Variants in GDF1 observed in about 807,000 individuals in gnomAD.
GDF1 encodes embryonic growth/differentiation factor 1.
Under a neutral mutation model 7.4 loss-of-function variants are expected in GDF1, and 8 were observed. That is an observed-to-expected ratio of 1.09 (90% confidence interval 0.64 to 1.96). The LOEUF (loss-of-function observed/expected upper bound fraction) is 1.96, where lower values mean the gene tolerates loss of function less well. Among genes scored for constraint, GDF1 ranks in the 30% most tolerant of loss-of-function variants. The pLI, the probability that GDF1 is intolerant of heterozygous loss-of-function variation, is 0.00. For synonymous variants in GDF1, 311 were observed against 276.7 expected (o/e 1.12, Z -1.23); for missense variants, 574 against 551.5 (o/e 1.04, Z -0.41).
Position 18,869,173 on chromosome 19 carries a change from C to A in GDF1, c.543G>T (p.Val181=). 1 of 1,153,652 alleles carries A rather than the reference C, an allele frequency of 8.7e-7. No homozygotes were observed. Among genetic ancestry groups the A allele is most frequent in the Non-Finnish European group, 1.1e-6 (1 of 938,786 alleles). 71.5% of individuals were successfully genotyped at this position (1,153,652 alleles called of 1,614,324 possible). A position where few individuals can be genotyped will look rare whatever the true frequency, so the allele number is the denominator to read the frequency against. The change falls in exon 8 of 8, where the codon GTG becomes GTT. Residue 181 remains valine (V), a synonymous_variant. Transcript: ENST00000247005. ...GQGAGADPGP[V]LLRQLVPALG... is the part of the protein sequence containing the mutation. ...GGGCGGGCACCAACTGGCGGAGCAG[C>A]ACCGGCCCGGGGTCCGCGCCCGCGC...
chr19:18,879,915 C>A (rs1202962074), intron 4 of GDF1, among the ~76,000 whole-genome samples: 2 of 151,638 alleles, frequency 1.3e-5, no homozygotes, highest in African/African-American at 4.9e-5. Flanking sequence ...AGCCCTACCC[C>A]AACCCTGCTT....
intron 4 of GDF1, among the ~76,000 whole-genome samples, chr19:18,879,692 CA>C (rs2056151320): frequency 6.8e-6 from 1 of 146,878 alleles, no homozygotes; most frequent in South Asian, 2.2e-4. Context: ...CCTACCTCAC[CA>C]AACCCCACCT....
Position 18,896,104 on chromosome 19 carries a change from GCGCC to G in GDF1, c.-1358_-1355del. On this transcript the variant is annotated 5_prime_UTR_variant, in exon 1 of 8. Transcript: ENST00000247005. The surrounding 1 kb of genome is among the most constrained non-coding windows in gnomAD (Gnocchi z 5.9). ...CGCTCGCCCGCCGTGCCCGTCGCCTGCGCCCGCCCGCGGTAGCCGACGGAGCCGC... is the reference window on the plus strand; with the variant it reads ...CGCTCGCCCGCCGTGCCCGTCGCCTGCGCCCGCGGTAGCCGACGGAGCCGC... 1 of 864,456 alleles carries G rather than the reference GCGCC, an allele frequency of 1.2e-6. No individual in the cohort carries two copies. Among genetic ancestry groups the G allele is most frequent in the Non-Finnish European group, 1.4e-6 (1 of 722,504 alleles). 53.5% of individuals were successfully genotyped at this position (864,456 alleles called of 1,614,324 possible).
In GDF1 at chr19:18,879,393, G is replaced by GGTGGGAGGAGTCAGGAGGCC; in HGVS notation, c.-570-25_-570-6dup. 1 of 1,557,868 alleles carries GGTGGGAGGAGTCAGGAGGCC rather than the reference G, an allele frequency of 6.4e-7. No individual in the cohort carries two copies. Among genetic ancestry groups the GGTGGGAGGAGTCAGGAGGCC allele is most frequent in the Non-Finnish European group, 8.7e-7 (1 of 1,151,046 alleles). On this transcript the variant is annotated splice_polypyrimidine_tract_variant and splice_region_variant and intron_variant, in intron 4 of 7. Transcript: ENST00000247005. ...CAGTAGAGGCGGAACCAGAACCTGC[G>GGTGGGAGGAGTCAGGAGGCC]GTGGGAGGAGTCAGGAGGCCGTGGG...
intron 3 of GDF1, chr19:18,881,674 C>T (rs901388842): frequency 1.3e-5 from 2 of 152,286 alleles, no homozygotes; most frequent in Admixed American, 1.3e-4. Context: ...CTGACAGCTC[C>T]TGGGCTCCTG....
At chr19:18,892,531 G>A (rs1179897337) in intron 2 of GDF1, among the ~76,000 whole-genome samples, 1 of 151,950 alleles carries the variant, frequency 6.6e-6, no homozygotes, top group East Asian at 2.0e-4. Flanking sequence ...GGAGAATGGC[G>A]TGAACCCAGG....
In GDF1 at chr19:18,868,927, G is replaced by C; in HGVS notation, c.789C>G (p.Pro263=). Residue 263 remains proline, a synonymous_variant, in exon 8 of 8, where the codon CCC becomes CCG. Transcript: ENST00000247005. Reference sequence around the variant, plus strand: ...GCCGCCGCGCGCGACAAGCGCCCCCGGGGCCGCCGCCCAACACGGGTTCGG... The same window carrying C: ...GCCGCCGCGCGCGACAAGCGCCCCCCGGGCCGCCGCCCAACACGGGTTCGG... The part of the protein sequence containing the change: ...RDAEPVLGGG[P]GGACRARRLY... 2.3e-6 allele frequency: 3 copies of C among 1,331,182 alleles called. No homozygotes were observed. Among genetic ancestry groups the C allele is most frequent in the Middle Eastern group, 2.9e-4 (1 of 3,462 alleles). The allele number at this position is 1,331,182 out of a possible 1,614,324, so 82.5% of individuals were successfully genotyped here.
chr19:18,880,407 A>G lies in GDF1; in HGVS notation c.-704T>C, dbSNP rs2056175022. ...TGCACGTCACTGATATCGTGCAGGA[A>G]GAGCACAAGGATGCCCACATTGTGG... On this transcript the variant is annotated 5_prime_UTR_variant, in exon 4 of 8. Coordinates refer to ENST00000247005, the MANE Select transcript of GDF1 (RefSeq NM_001492.6). The G allele has an allele frequency of 6.3e-7, 1 of 1,592,790 alleles. No individual in the cohort carries two copies. The highest frequency in any genetic ancestry group is 1.3e-5 in the African/African-American group (1 of 74,544).
At chr19:18,879,469 C>T in intron 4 of GDF1, 81 bp from the exon 5 acceptor site, 1 of 1,484,048 alleles carries the variant, frequency 6.7e-7, no homozygotes, top group Non-Finnish European at 9.0e-7. Context: ...GTCCTAGACC[C>T]ACCCTTGCCC....
chr19:18,891,497 C>CA (rs2056490194), intron 2 of GDF1, among the ~76,000 whole-genome samples: 1 of 152,182 alleles, frequency 6.6e-6, no homozygotes, highest in African/African-American at 2.4e-5. Context: ...GCGCTGCAGT[C>CA]ACCTCCCTGC....
Position 18,869,291 on chromosome 19 carries a change from G to T in GDF1, c.425C>A (p.Pro142Gln). The change falls in exon 8 of 8, where the codon CCG (proline) becomes CAG (glutamine). Residue 142 changes from proline to glutamine, a missense_variant. Pro to Gln is a moderately conservative substitution (Grantham distance 76, BLOSUM62 -1). Transcript: ENST00000247005. ...DLSAVEPAER[P>Q]SRARLELRFA... ...ACGCAGCTCCAGGCGGGCCCGGCTC[G>T]GGCGCTCAGCGGGTTCCACAGCCGA... 1 of 1,507,800 alleles carries T rather than the reference G, an allele frequency of 6.6e-7. No homozygotes were observed. Among genetic ancestry groups the T allele is most frequent in the East Asian group, 2.7e-5 (1 of 36,684 alleles). The allele number at this position is 1,507,800 out of a possible 1,614,324, so 93.4% of individuals were successfully genotyped here. A position where few individuals can be genotyped will look rare whatever the true frequency, so the allele number is the denominator to read the frequency against.
Position 18,895,703 on chromosome 19 carries a change from G to A in GDF1, c.-1074+121C>T. On this transcript the variant is annotated intron_variant, in intron 1 of 7. Transcript: ENST00000247005. The surrounding 1 kb of genome is among the most constrained non-coding windows in gnomAD (Gnocchi z 6.4). ...GCCCGAGGCCCCCACCCACGTTCCG[G>A]CGACCCCTTCATCCGCAGCAGCCAG... 2.3e-6 allele frequency: 1 copy of A among 443,474 alleles called. No homozygotes were observed. The highest frequency in any genetic ancestry group is 7.0e-5 in the South Asian group (1 of 14,244). The allele number at this position is 443,474 out of a possible 1,614,324, so 27.5% of individuals were successfully genotyped here. A position where few individuals can be genotyped will look rare whatever the true frequency, so the allele number is the denominator to read the frequency against.
intron 6 of GDF1, among the ~76,000 whole-genome samples, chr19:18,871,754 C>A (rs1300514606): frequency 6.6e-6 from 1 of 152,226 alleles, no homozygotes; most frequent in African/African-American, 2.4e-5. Context: ...TGGTCTTTAT[C>A]TGAGAGGAGA....
At chr19:18,893,294 G>T in intron 2 of GDF1, 122 bp downstream of exon 2, 4 of 1,092,448 alleles carry the variant, frequency 3.7e-6, no homozygotes, top group Non-Finnish European at 3.9e-6. Flanking sequence ...AGCTCCCCTT[G>T]GCCTCCAACT....
chr19:18,894,329 G>A (rs1038683409), intron 1 of GDF1, among the ~76,000 whole-genome samples: 3 of 152,090 alleles, frequency 2.0e-5, no homozygotes, highest in African/African-American at 7.2e-5. Flanking sequence ...CCTTCCCAGA[G>A]GCTGAGGGGG....
intron 2 of GDF1, among the ~76,000 whole-genome samples, chr19:18,891,502 C>T (rs1262537732): frequency 6.6e-6 from 1 of 152,162 alleles, no homozygotes; most frequent in Non-Finnish European, 1.5e-5. Context: ...GCAGTCACCT[C>T]CCTGCCCAGC....
At position 18,895,966 on chromosome 19, in the gene GDF1, C is replaced by A; in HGVS notation, c.-1216G>T. On this transcript the variant is annotated 5_prime_UTR_variant, in exon 1 of 8. Coordinates refer to ENST00000247005, the MANE Select transcript of GDF1 (RefSeq NM_001492.6). This position sits in a 1 kb window ranked among gnomAD's most constrained non-coding sequence, Gnocchi z 6.4. ...CAGCCCCCAGCCGCAGTCCGTGCAG[C>A]CCCGCGCCGCCGCCAGCGCGCTGCC... 2.8e-6 allele frequency: 3 copies of A among 1,068,278 alleles called. No homozygotes were observed. The highest frequency in any genetic ancestry group is 3.4e-6 in the Non-Finnish European group (3 of 883,222). 66.2% of individuals were successfully genotyped at this position (1,068,278 alleles called of 1,614,324 possible).
intron 2 of GDF1, among the ~76,000 whole-genome samples, chr19:18,892,911 T>C (rs1298609101): frequency 6.6e-6 from 1 of 151,764 alleles, no homozygotes; most frequent in Non-Finnish European, 1.5e-5. Flanking sequence ...CCCCTTACAC[T>C]GTTCTTTTTT....
chr19:18,878,645 C>T lies in GDF1; in HGVS notation c.-313+285G>A, dbSNP rs1222734640. On this transcript the variant is annotated intron_variant, in intron 6 of 7. Coordinates refer to ENST00000247005, the MANE Select transcript of GDF1 (RefSeq NM_001492.6). This position sits in a 1 kb window ranked among gnomAD's most constrained non-coding sequence, Gnocchi z 4.6. ...GGGCCCTGGCTCGCCACTCCCGCCA[C>T]ACCAGCCACTAGGCCTGGCCCTCAG... 14 of 1,243,056 alleles carry T rather than the reference C, an allele frequency of 1.1e-5. No individual in the cohort carries two copies. Among genetic ancestry groups the T allele is most frequent in the Admixed American group, 3.7e-5 (1 of 27,044 alleles). The allele number at this position is 1,243,056 out of a possible 1,614,324, so 77.0% of individuals were successfully genotyped here. A position where few individuals can be genotyped will look rare whatever the true frequency, so the allele number is the denominator to read the frequency against.
Sources: allele counts gnomAD v4.1 joint callset (sites outside exome capture counted in the v4.1 genomes callset), GRCh38; gene constraint gnomAD v4.1.1; non-coding constraint Gnocchi (gnomAD v3.1); transcripts MANE v1.5; gene names NCBI Gene and HGNC (gene_info 2026-07-23, HGNC 2026-07-21).